GPC5: variants seen among roughly 807,000 people sequenced by gnomAD.
GPC5 encodes glypican 5.
A neutral mutation model predicts 53.9 loss-of-function variants in GPC5; 47 were observed. That is an observed-to-expected ratio of 0.87 (90% confidence interval 0.69 to 1.11). The LOEUF is 1.11. Among genes scored for constraint, GPC5 ranks in the 50% most tolerant of loss-of-function variants. The pLI is 0.00. For synonymous variants in GPC5, 286 were observed against 263.3 expected (o/e 1.09, Z -0.84); for missense variants, 748 against 713.1 (o/e 1.05, Z -0.56).
At chr13:91,891,230 C>A (rs1005067639) in intron 5 of GPC5, among the ~76,000 whole-genome samples, 10 of 152,032 alleles carry the variant, frequency 6.6e-5, no homozygotes, top group African/African-American at 2.4e-4. Flanking sequence ...CTTTTTCTGT[C>A]TACATTGATC....
intron 6 of GPC5, among the ~76,000 whole-genome samples, chr13:91,919,824 T>C (rs1415039204): frequency 6.6e-6 from 1 of 152,162 alleles, no homozygotes; most frequent in Admixed American, 6.6e-5. Flanking sequence ...ATAAACTAAA[T>C]GACAGTTCAC....
intron 5 of GPC5, among the ~76,000 whole-genome samples, chr13:91,815,539 C>T (rs752336771): frequency 2.4e-4 from 36 of 152,206 alleles, no homozygotes; most frequent in Non-Finnish European, 5.0e-4. Context: ...TGTGCTGCTC[C>T]CCAGGCACAT....
chr13:91,793,466 CT>C (rs1201891875), intron 5 of GPC5, among the ~76,000 whole-genome samples: 1 of 152,120 alleles, frequency 6.6e-6, no homozygotes, highest in African/African-American at 2.4e-5. Flanking sequence ...AAATCTTCTT[CT>C]TAAATCTTTT....
In GPC5 at chr13:91,448,913, G is replaced by T; in HGVS notation, c.316G>T (p.Ala106Ser). 6.2e-7 allele frequency: 1 copy of T among 1,612,698 alleles called. No homozygotes were observed. The highest frequency in any genetic ancestry group is 1.1e-5 in the South Asian group (1 of 90,906). Residue 106 changes from alanine (A) to serine (S), a missense_variant, in exon 2 of 8, where the codon GCT (alanine) becomes TCT (serine). Transcript: ENST00000377067. ...LKFLISRNAAAFQETLETLIK... is the reference protein window; with the variant it reads ...LKFLISRNAASFQETLETLIK... ...GTTTCTAATATCTCGAAATGCGGCT[G>T]CTTTTCAAGGTAAGTGGATCTTGAA...
At chr13:91,910,461 C>G (rs1292616491) in intron 6 of GPC5, among the ~76,000 whole-genome samples, 1 of 152,136 alleles carries the variant, frequency 6.6e-6, no homozygotes, top group Non-Finnish European at 1.5e-5. Context: ...ATAAAATTTA[C>G]TTTATTTTTT....
At position 92,848,193 on chromosome 13, in the gene GPC5, A is replaced by G. The variant is rs141151687; in HGVS notation, c.1562-18089A>G. On this transcript the variant is annotated intron_variant, in intron 7 of 7. Coordinates refer to ENST00000377067, the MANE Select transcript of GPC5 (RefSeq NM_004466.6). ...GTCCTGTGTAAAAATATTAAAAAGT[A>G]TTTTTTACATTTATGATTTTATTGA... Among the ~76,000 whole-genome samples, 724 of 152,250 alleles carry G rather than the reference A, an allele frequency of 4.8e-3. 4 individuals are homozygous for G. The highest frequency in any genetic ancestry group is 0.017 in the African/African-American group (706 of 41,560).
chr13:92,096,467 A>G (rs1236476221), intron 6 of GPC5, among the ~76,000 whole-genome samples: 1 of 152,172 alleles, frequency 6.6e-6, no homozygotes, highest in Non-Finnish European at 1.5e-5. Context: ...CTGTGTATAT[A>G]TAGGTTACAT....
intron 5 of GPC5, among the ~76,000 whole-genome samples, chr13:91,880,254 T>C (rs2039249607): frequency 6.6e-6 from 1 of 152,084 alleles, no homozygotes; most frequent in African/African-American, 2.4e-5. Context: ...TAAGATAGTG[T>C]TTTTTGTCTT....
chr13:91,685,964 A>T (rs2035614521), intron 2 of GPC5, among the ~76,000 whole-genome samples: 1 of 151,812 alleles, frequency 6.6e-6, no homozygotes, highest in East Asian at 1.9e-4. Context: ...AGGAAGGAGA[A>T]CCACCAATAA....
chr13:91,598,103 A>G (rs978564601), intron 2 of GPC5, among the ~76,000 whole-genome samples: 3 of 152,114 alleles, frequency 2.0e-5, no homozygotes, highest in African/African-American at 7.2e-5. Flanking sequence ...CTATTTTTCT[A>G]TAGATTTTGT....
At chr13:91,921,795 GA>G in intron 6 of GPC5, among the ~76,000 whole-genome samples, 1 of 150,444 alleles carries the variant, frequency 6.6e-6, no homozygotes, top group South Asian at 2.1e-4. Context: ...AAAAAAGAAA[GA>G]AAGAAAGAAA....
At chr13:92,366,740 A>C (rs1187228081) in intron 7 of GPC5, among the ~76,000 whole-genome samples, 1 of 152,160 alleles carries the variant, frequency 6.6e-6, no homozygotes, top group Non-Finnish European at 1.5e-5. Flanking sequence ...TAGTAACTTC[A>C]TCACTACACT....
chr13:91,499,433 C>T (rs956266505), intron 2 of GPC5, among the ~76,000 whole-genome samples: 3 of 152,066 alleles, frequency 2.0e-5, no homozygotes, highest in African/African-American at 7.2e-5. Flanking sequence ...AGGGAAATAC[C>T]ACAGTTTCTG....
intron 3 of GPC5, among the ~76,000 whole-genome samples, chr13:91,720,167 C>T (rs951704276): frequency 2.6e-5 from 4 of 152,134 alleles, no homozygotes; most frequent in Non-Finnish European, 5.9e-5. Flanking sequence ...TAGGCTTTGT[C>T]CCATAAATCT....
chr13:92,281,402 GT>G (rs1438963164), intron 7 of GPC5, among the ~76,000 whole-genome samples: 2 of 152,148 alleles, frequency 1.3e-5, no homozygotes, highest in Non-Finnish European at 2.9e-5. Context: ...GAGAGTAGTG[GT>G]TCTCCCAGCA....
At chr13:91,488,691 C>G (rs982469059) in intron 2 of GPC5, among the ~76,000 whole-genome samples, 2 of 152,188 alleles carry the variant, frequency 1.3e-5, no homozygotes, top group African/African-American at 4.8e-5. Flanking sequence ...TCTGTCATCT[C>G]AGGACCCTGT....
chr13:92,044,833 C>A (rs1046274994), intron 6 of GPC5, among the ~76,000 whole-genome samples: 4 of 152,164 alleles, frequency 2.6e-5, no homozygotes, highest in Middle Eastern at 3.4e-3. Flanking sequence ...AGAAATTTTT[C>A]TTTGAATATG....
chr13:92,060,523 G>T (rs1228395015), intron 6 of GPC5, among the ~76,000 whole-genome samples: 1 of 151,970 alleles, frequency 6.6e-6, no homozygotes, highest in Non-Finnish European at 1.5e-5. Flanking sequence ...TTAAGCATAA[G>T]TTAATTAGGG....
At chr13:92,115,518 C>A (rs544585672) in intron 6 of GPC5, among the ~76,000 whole-genome samples, 2 of 152,096 alleles carry the variant, frequency 1.3e-5, no homozygotes, top group African/African-American at 4.8e-5. Flanking sequence ...CTGTTCCACA[C>A]CCTCAAATTT....
Sources: allele counts gnomAD v4.1 joint callset (sites outside exome capture counted in the v4.1 genomes callset), GRCh38; gene constraint gnomAD v4.1.1; transcripts MANE v1.5; gene names NCBI Gene and HGNC (gene_info 2026-07-23, HGNC 2026-07-21).